Variants in CFAP47 observed in about 807,000 individuals in gnomAD.
The protein encoded by CFAP47 is cilia and flagella associated protein 47, also known as cilia- and flagella-associated protein 47.
In CFAP47, 29 loss-of-function variants were observed where a neutral mutation model predicts 148.1. The ratio of observed to expected loss-of-function variants is 0.20; its 90% CI spans 0.15 to 0.27. The LOEUF is 0.27. Among genes scored for constraint, CFAP47 ranks in the 10% least tolerant of loss-of-function variants. The probability of loss-of-function intolerance (pLI) is 1.00; values close to 1 mark genes in which losing one functional copy is unlikely to be tolerated. For missense variants in CFAP47, 1,872 were observed against 1,697.5 expected (o/e 1.10, Z -1.81); for synonymous variants, 664 against 577.3 (o/e 1.15, Z -2.15).
chrX:36,056,050 G>A (rs1344964443), intron 26 of CFAP47, among the ~76,000 whole-genome samples: 1 of 110,655 alleles, frequency 9.0e-6, no homozygotes, highest in Admixed American at 9.6e-5. Context: ...GTACACTCTG[G>A]ATATTAGTAC....
At chrX:36,063,710 C>G (rs1273016504) in intron 26 of CFAP47, among the ~76,000 whole-genome samples, 2 of 111,344 alleles carry the variant, frequency 1.8e-5, no homozygotes, top group African/African-American at 6.5e-5. Context: ...GAACTTTGTC[C>G]ACAAGCTCAC....
Position 36,176,290 on chromosome X carries a change from C to T in CFAP47, c.6027-3055C>T, listed in dbSNP as rs762751381. The stretch of plus-strand genomic sequence containing the variant: ...GTCACTCACGCTCGGAGCTGTAGAC[C>T]GGAGCTGTTCCTATTCGGCCATCTT... On this transcript the variant is annotated intron_variant, in intron 39 of 63. Coordinates refer to ENST00000378653, the MANE Select transcript of CFAP47 (RefSeq NM_001304548.2). Among the ~76,000 whole-genome samples, 204 of 112,272 alleles carry T rather than the reference C, an allele frequency of 1.8e-3. 1 individual carries two copies. Among genetic ancestry groups the T allele is most frequent in the African/African-American group, 6.1e-3 (189 of 30,933 alleles).
At chrX:35,982,953 G>A (rs911073654) in intron 15 of CFAP47, among the ~76,000 whole-genome samples, 14 of 111,750 alleles carry the variant, frequency 1.3e-4, no homozygotes, top group Non-Finnish European at 2.3e-4. Flanking sequence ...TCTTTTTATG[G>A]TTCCATATGA....
At chrX:36,292,114 A>G (rs782019794) in intron 51 of CFAP47, among the ~76,000 whole-genome samples, 7 of 111,032 alleles carry the variant, frequency 6.3e-5, no homozygotes, top group Non-Finnish European at 1.3e-4. Flanking sequence ...TTCAACATAC[A>G]TGTCCCCCAG....
At chrX:36,379,744 T>A (rs1942060851) in intron 63 of CFAP47, 11 of 320,646 alleles carry the variant, frequency 3.4e-5, no homozygotes, top group Middle Eastern at 9.5e-4. Context: ...AGAGGAAAGT[T>A]AAAAAAAATA....
intron 23 of CFAP47, among the ~76,000 whole-genome samples, chrX:36,032,878 G>A (rs1367206858): frequency 9.0e-6 from 1 of 111,492 alleles, no homozygotes; most frequent in Admixed American, 9.6e-5. Flanking sequence ...GTGGTTAAAA[G>A]CAGAGAACCT....
At chrX:35,955,478 A>G (rs996315069) in intron 7 of CFAP47, among the ~76,000 whole-genome samples, 2 of 111,832 alleles carry the variant, frequency 1.8e-5, no homozygotes, top group Admixed American at 9.5e-5. Flanking sequence ...TTCCTGCCCT[A>G]GCGTATTTGT....
At chrX:36,278,138 C>T (rs782655211) in intron 49 of CFAP47, among the ~76,000 whole-genome samples, 2 of 112,479 alleles carry the variant, frequency 1.8e-5, no homozygotes, top group East Asian at 2.8e-4. Flanking sequence ...CAGACAGGGA[C>T]GTGTAAGTCT....
intron 2 of CFAP47, among the ~76,000 whole-genome samples, chrX:35,934,432 G>A (rs770533912): frequency 9.1e-6 from 1 of 110,460 alleles, no homozygotes; most frequent in African/African-American, 3.3e-5. Flanking sequence ...AATGTTGTTT[G>A]GCCTGGGACT....
intron 60 of CFAP47, among the ~76,000 whole-genome samples, chrX:36,357,505 G>C (rs999498270): frequency 6.2e-5 from 7 of 112,179 alleles, no homozygotes; most frequent in Non-Finnish European, 1.3e-4. Flanking sequence ...TTTTCTGCCA[G>C]ATACTACATT....
chrX:36,145,586 T>A (rs748567412), intron 36 of CFAP47, among the ~76,000 whole-genome samples: 1 of 112,244 alleles, frequency 8.9e-6, no homozygotes, highest in Admixed American at 9.4e-5. Context: ...ACTCTTTTCT[T>A]ACTCATTTTC....
chrX:35,956,978 G>A (rs1181861181), intron 8 of CFAP47, among the ~76,000 whole-genome samples: 2 of 110,850 alleles, frequency 1.8e-5, no homozygotes, highest in African/African-American at 6.6e-5. Context: ...TTGGGAGGCC[G>A]AGGCAGGTGG....
intron 57 of CFAP47, among the ~76,000 whole-genome samples, chrX:36,343,988 T>A (rs782380043): frequency 5.0e-4 from 54 of 107,351 alleles, no homozygotes; most frequent in African/African-American, 1.7e-3. Flanking sequence ...TTCCATGGTG[T>A]ATATGTGCCA....
intron 48 of CFAP47, among the ~76,000 whole-genome samples, chrX:36,245,194 C>CA (rs1940599936): frequency 9.1e-6 from 1 of 109,895 alleles, no homozygotes; most frequent in Admixed American, 9.6e-5. Context: ...GACTAGGTAT[C>CA]AAAAAATCCA....
At position 36,201,493 on chromosome X, in the gene CFAP47, A is replaced by G. The variant is rs1347709942; in HGVS notation, c.6656A>G (p.Lys2219Arg). The stretch of plus-strand genomic sequence containing the variant: ...GCCATCGCCCTCCTGGGACTGACGA[A>G]GATCGAGGTGGGAATGGAGTAATAG... Reference protein sequence around the residue: ...RVAIALLGLTKIETLMLFRIS... With the variant: ...RVAIALLGLTRIETLMLFRIS... The change falls in exon 44 of 64, where the codon AAG becomes AGG. Residue 2219 changes from lysine to arginine, a missense_variant. By Grantham distance (26) the Lys-to-Arg change is conservative (BLOSUM62 2). Coordinates refer to ENST00000378653, the MANE Select transcript of CFAP47 (RefSeq NM_001304548.2). 6.8e-6 allele frequency: 2 copies of G among 295,261 alleles called. No individual in the cohort carries two copies. The highest frequency in any genetic ancestry group is 1.2e-5 in the Non-Finnish European group (2 of 169,569). The allele number at this position is 295,261 out of a possible 1,213,427, so 24.3% of individuals were successfully genotyped here.
chrX:36,280,656 C>T (rs1414834258), intron 50 of CFAP47, 26 bp downstream of exon 50: 2 of 452,374 alleles, frequency 4.4e-6, no homozygotes, highest in Non-Finnish European at 7.9e-6. Flanking sequence ...CAGAGTTTCA[C>T]TATTAGTTTG....
At chrX:36,151,669 A>ATG (rs368357620) in intron 37 of CFAP47, among the ~76,000 whole-genome samples, 10,428 of 102,025 alleles carry the variant, frequency 0.1, 1,010 homozygotes, top group African/African-American at 0.29. Context: ...GTGCATGTGT[A>ATG]TGTGTGTGTG....
At position 36,310,858 on chromosome X, in the gene CFAP47, C is replaced by A; in HGVS notation, c.8213C>A (p.Ser2738Tyr). Residue 2738 changes from serine to tyrosine, a missense_variant, in exon 56 of 64, where the codon TCT becomes TAT. Coordinates refer to ENST00000378653, the MANE Select transcript of CFAP47 (RefSeq NM_001304548.2). The part of the protein sequence containing the change: ...TQFTEWKFYL[S>Y]GVGLFPQPLD... Reference sequence around the variant, plus strand: ...TTTACAGAATGGAAATTCTACTTATCTGGAGTAGGACTATTTCCCCAGCCT... The same window carrying A: ...TTTACAGAATGGAAATTCTACTTATATGGAGTAGGACTATTTCCCCAGCCT... 1 of 1,149,816 alleles carries A rather than the reference C, an allele frequency of 8.7e-7. No individual in the cohort carries two copies. Among genetic ancestry groups the A allele is most frequent in the South Asian group, 2.0e-5 (1 of 50,445 alleles). 94.8% of individuals were successfully genotyped at this position (1,149,816 alleles called of 1,213,427 possible).
At chrX:36,372,359 C>T (rs913151653) in intron 62 of CFAP47, among the ~76,000 whole-genome samples, 7 of 111,332 alleles carry the variant, frequency 6.3e-5, no homozygotes, top group East Asian at 5.6e-4. Context: ...GATATTCTGA[C>T]GTAGTATAGT....
Sources: allele counts gnomAD v4.1 joint callset (sites outside exome capture counted in the v4.1 genomes callset), GRCh38; gene constraint gnomAD v4.1.1; transcripts MANE v1.5; gene names NCBI Gene and HGNC (gene_info 2026-07-23, HGNC 2026-07-21).